The following DOCK5 variants were observed in gnomAD, a reference collection of about 807,000 sequenced individuals.
DOCK5 encodes dedicator of cytokinesis 5, also known as dedicator of cytokinesis protein 5.
A neutral mutation model predicts 251.8 loss-of-function variants in DOCK5; 142 were observed. The observed-to-expected ratio is 0.56, with a 90% CI of 0.49 to 0.65. The LOEUF (loss-of-function observed/expected upper bound fraction) is 0.65. DOCK5 is among the 30% of genes least tolerant of loss of function. The probability of loss-of-function intolerance (pLI) is 0.00; values close to 1 mark genes in which losing one functional copy is unlikely to be tolerated. For missense variants in DOCK5, 2,111 were observed against 2,312.3 expected (o/e 0.91, Z 1.79); for synonymous variants, 842 against 835.5 (o/e 1.01, Z -0.13).
chr8:25,371,116 G>A (rs1307634526), intron 34 of DOCK5, among the ~76,000 whole-genome samples: 1 of 151,612 alleles, frequency 6.6e-6, no homozygotes, highest in Admixed American at 6.6e-5. Context: ...TTGTGTGTGA[G>A]TTTTGTGGAT....
chr8:25,397,607 A>G (rs760685242), intron 45 of DOCK5, among the ~76,000 whole-genome samples: 4 of 152,262 alleles, frequency 2.6e-5, no homozygotes, highest in Non-Finnish European at 5.9e-5. Flanking sequence ...AATAGGATCT[A>G]ATATACACTA....
chr8:25,213,560 G>C (rs529407011), intron 1 of DOCK5, among the ~76,000 whole-genome samples: 4 of 151,856 alleles, frequency 2.6e-5, no homozygotes, highest in Admixed American at 6.6e-5. Flanking sequence ...TCTTGTTTAG[G>C]GTCTGGCATT....
chr8:25,291,498 C>T (rs1241009150), intron 5 of DOCK5, among the ~76,000 whole-genome samples: 3 of 150,412 alleles, frequency 2.0e-5, no homozygotes, highest in African/African-American at 4.9e-5. Flanking sequence ...GCCTGGCCAA[C>T]GTGATGAAAC....
intron 2 of DOCK5, among the ~76,000 whole-genome samples, chr8:25,245,635 G>A (rs1803083051): frequency 6.6e-6 from 1 of 151,836 alleles, no homozygotes; most frequent in Admixed American, 6.6e-5. Flanking sequence ...CACGTCCTGG[G>A]TTCAAGCGAT....
At chr8:25,388,826 G>T in intron 40 of DOCK5, 1 of 426,572 alleles carries the variant, frequency 2.3e-6, no homozygotes, top group Non-Finnish European at 4.3e-6. Flanking sequence ...CAGACTGTTT[G>T]CAGACTGGCC....
chr8:25,328,842 G>T (rs1805621544), intron 18 of DOCK5, among the ~76,000 whole-genome samples: 1 of 152,164 alleles, frequency 6.6e-6, no homozygotes, highest in African/African-American at 2.4e-5. Flanking sequence ...TGGGCCAGGA[G>T]GTTCATACTC....
chr8:25,408,389 T>G (rs907533241), intron 49 of DOCK5, among the ~76,000 whole-genome samples: 1 of 152,100 alleles, frequency 6.6e-6, no homozygotes, highest in African/African-American at 2.4e-5. Flanking sequence ...TGTAAACATG[T>G]GGGTTGATGC....
At chr8:25,380,463 C>A in intron 39 of DOCK5, 69 bp downstream of exon 39, 2 of 1,337,098 alleles carry the variant, frequency 1.5e-6, no homozygotes, top group East Asian at 2.5e-5. Flanking sequence ...GAAAATGTTT[C>A]CGTAAGTTGA....
Position 25,207,296 on chromosome 8 carries a change from A to G in DOCK5, c.43+22345A>G, listed in dbSNP as rs559645746. 2.0e-5 allele frequency among the ~76,000 whole-genome samples: 3 copies of G among 152,338 alleles called. No individual in the cohort carries two copies. In the South Asian group the frequency reaches 6.2e-4, roughly 32 times the overall value. On this transcript the variant is annotated intron_variant, in intron 1 of 51. Coordinates refer to ENST00000276440, the MANE Select transcript of DOCK5 (RefSeq NM_024940.8). ...AAGTGCTGATATAGAAGCTGTGGCAAGTTATCCAGAAGATCTAGTGAAGAT... is the reference window on the plus strand; with the variant it reads ...AAGTGCTGATATAGAAGCTGTGGCAGGTTATCCAGAAGATCTAGTGAAGAT...
At chr8:25,366,288 TA>T (rs1206521247) in intron 30 of DOCK5, among the ~76,000 whole-genome samples, 1 of 152,150 alleles carries the variant, frequency 6.6e-6, no homozygotes, top group African/African-American at 2.4e-5. Context: ...GTCAGGAGTT[TA>T]AGACCAGCCT....
chr8:25,399,226 G>T (rs1174289783), intron 45 of DOCK5, among the ~76,000 whole-genome samples: 1 of 152,172 alleles, frequency 6.6e-6, no homozygotes, highest in African/African-American at 2.4e-5. Context: ...CCTGTGTTTG[G>T]AATTTAAGTT....
chr8:25,275,299 T>C, intron 3 of DOCK5, 87 bp from the exon 4 acceptor site: 2 of 1,136,522 alleles, frequency 1.8e-6, no homozygotes, highest in Non-Finnish European at 2.5e-6. Context: ...GTGTTCCCAT[T>C]TATTCTCTTT....
intron 22 of DOCK5, among the ~76,000 whole-genome samples, chr8:25,338,730 G>C (rs1394851994): frequency 6.6e-6 from 1 of 152,158 alleles, no homozygotes; most frequent in East Asian, 1.9e-4. Flanking sequence ...TCGACCAAGG[G>C]AATATTCTCT....
intron 5 of DOCK5, among the ~76,000 whole-genome samples, chr8:25,285,577 A>G (rs73673881): frequency 0.035 from 5,357 of 152,302 alleles, 332 homozygotes; most frequent in African/African-American, 0.12. Context: ...AAAAGTGCCT[A>G]TAACTGGGAA....
chr8:25,294,142 C>T (rs1419023041), intron 6 of DOCK5, among the ~76,000 whole-genome samples: 1 of 152,190 alleles, frequency 6.6e-6, no homozygotes, highest in Non-Finnish European at 1.5e-5. Flanking sequence ...GATGTTCACA[C>T]CCCACAAACG....
At chr8:25,407,376 T>C (rs2248187) in intron 48 of DOCK5, among the ~76,000 whole-genome samples, 135,970 of 152,082 alleles carry the variant, frequency 0.89, 62,745 homozygotes, top group East Asian at 1. Flanking sequence ...CATAAAACTG[T>C]CTATTGAATC....
chr8:25,226,684 C>T (rs964863920), intron 1 of DOCK5, among the ~76,000 whole-genome samples: 6 of 151,176 alleles, frequency 4.0e-5, no homozygotes, highest in East Asian at 1.9e-4. Flanking sequence ...CTCCTGGGTT[C>T]ACGCCACTCT....
intron 1 of DOCK5, among the ~76,000 whole-genome samples, chr8:25,227,397 T>C (rs575334686): frequency 1.1e-3 from 164 of 152,354 alleles, no homozygotes; most frequent in Non-Finnish European, 1.8e-3. Context: ...AATAGCCAAT[T>C]ATACCCATGC....
chr8:25,237,848 T>C (rs1802841848), intron 1 of DOCK5, among the ~76,000 whole-genome samples: 2 of 152,302 alleles, frequency 1.3e-5, no homozygotes, highest in South Asian at 2.1e-4. Context: ...ACCAGAGGGC[T>C]CTTTAAAGGC....
Sources: gnomAD v4.1 joint callset for allele counts (sites outside exome capture counted in the v4.1 genomes callset) on GRCh38, gnomAD v4.1.1 for gene constraint, MANE v1.5 for transcripts, NCBI Gene and HGNC (gene_info 2026-07-23, HGNC 2026-07-21) for gene names.